The following CRISPLD1 variants were observed in gnomAD, a reference collection of about 807,000 sequenced individuals.
CRISPLD1 encodes cysteine-rich secretory protein LCCL domain-containing 1.
A neutral mutation model predicts 77.5 loss-of-function variants in CRISPLD1; 60 were observed. The ratio of observed to expected loss-of-function variants is 0.77; its 90% CI spans 0.63 to 0.96. The LOEUF is 0.96. Among genes scored for constraint, CRISPLD1 ranks in the 40% least tolerant of loss-of-function variants. The pLI, the probability that CRISPLD1 is intolerant of heterozygous loss-of-function variation, is 0.00. For synonymous variants in CRISPLD1, 195 were observed against 200.1 expected (o/e 0.97, Z 0.22); for missense variants, 623 against 615.8 (o/e 1.01, Z -0.12).
rs778651771 is a variant in CRISPLD1 at position 74,986,628 on chromosome 8, C to T, written c.258+383C>T. On this transcript the variant is annotated intron_variant, in intron 2 of 14. Coordinates refer to ENST00000262207, the MANE Select transcript of CRISPLD1 (RefSeq NM_031461.6). ...GATCTGAAAAATTCAGACTAATAAT[C>T]GGAAGAAACTTTCTGGATTGCTGAA... Among the ~76,000 whole-genome samples the T allele has an allele frequency of 6.6e-5, 10 of 152,160 alleles. No individual in the cohort carries two copies. The South Asian group carries it at 1.0e-3, about 16-fold the overall frequency.
chr8:75,028,991 C>T lies in CRISPLD1; in HGVS notation c.1321-396C>T, dbSNP rs185497225. Among the ~76,000 whole-genome samples the T allele has an allele frequency of 5.3e-5, 8 of 152,208 alleles. No individual in the cohort carries two copies. In the East Asian group the frequency reaches 5.8e-4, roughly 11 times the overall value. On this transcript the variant is annotated intron_variant, in intron 13 of 14. Coordinates refer to ENST00000262207, the MANE Select transcript of CRISPLD1 (RefSeq NM_031461.6). ...AGGGATGAATAATCTAACCTATGAA[C>T]ATTTGGTCAGAGTGAGCCCAGTATA...
intron 2 of CRISPLD1, among the ~76,000 whole-genome samples, chr8:75,001,472 G>A (rs1812740158): frequency 6.6e-6 from 1 of 152,190 alleles, no homozygotes; most frequent in African/African-American, 2.4e-5. Flanking sequence ...GTAAGTCACA[G>A]TATGGTAAGA....
chr8:75,022,545 G>A (rs903385445), intron 12 of CRISPLD1, among the ~76,000 whole-genome samples: 2 of 148,550 alleles, frequency 1.3e-5, no homozygotes, highest in African/African-American at 5.0e-5. Context: ...CTGAGATTGC[G>A]CCACTGCACT....
At chr8:75,011,588 C>T (rs1812931985) in intron 2 of CRISPLD1, among the ~76,000 whole-genome samples, 1 of 151,948 alleles carries the variant, frequency 6.6e-6, no homozygotes, top group Admixed American at 6.6e-5. Context: ...AAACCCAGGA[C>T]TTGGAAAATT....
At chr8:75,010,489 A>G (rs1812910277) in intron 2 of CRISPLD1, among the ~76,000 whole-genome samples, 1 of 152,124 alleles carries the variant, frequency 6.6e-6, no homozygotes, top group South Asian at 2.1e-4. Context: ...AGTAACTCAC[A>G]TTTGTTTTCT....
At chr8:74,995,004 T>C (rs1331899550) in intron 2 of CRISPLD1, among the ~76,000 whole-genome samples, 1 of 152,116 alleles carries the variant, frequency 6.6e-6, no homozygotes, top group Admixed American at 6.6e-5. Context: ...TGCCATTAGA[T>C]ACAAGGCAGT....
intron 2 of CRISPLD1, among the ~76,000 whole-genome samples, chr8:74,995,484 A>T (rs536027768): frequency 2.8e-4 from 42 of 152,268 alleles, no homozygotes; most frequent in African/African-American, 8.2e-4. Context: ...TAGTTCCCAC[A>T]GTCCTTTGTT....
At position 74,993,602 on chromosome 8, in the gene CRISPLD1, C is replaced by T. The variant is rs188010169; in HGVS notation, c.258+7357C>T. ...AATGTATTTTTCTTTTTGAAAATTG[C>T]ACCATAGATGACAATACCTATAGAA... On this transcript the variant is annotated intron_variant, in intron 2 of 14. Transcript: ENST00000262207. Among the ~76,000 whole-genome samples, 756 of 152,172 alleles carry T rather than the reference C, an allele frequency of 5.0e-3. 4 individuals carry two copies. The highest frequency in any genetic ancestry group is 8.5e-3 in the Non-Finnish European group (580 of 68,012).
chr8:75,016,567 G>T lies in CRISPLD1; in HGVS notation c.730G>T (p.Gly244Trp), dbSNP rs1813030930. 1.2e-6 allele frequency: 2 copies of T among 1,605,632 alleles called. No individual in the cohort carries two copies. The highest frequency in any genetic ancestry group is 1.7e-6 in the Non-Finnish European group (2 of 1,176,370). ...GCRENLCYKE[G>W]SDRYYPPREE... ...CCTAAATCTGCTTTCTCTAACAGAA[G>T]GGTCAGACAGGTATTATCCCCCTCG... The change falls in exon 7 of 15, where the codon GGG becomes TGG. Residue 244 changes from glycine to tryptophan, a missense_variant and splice_region_variant. Gly to Trp is a radical substitution (Grantham distance 184). Transcript: ENST00000262207.
intron 12 of CRISPLD1, among the ~76,000 whole-genome samples, chr8:75,020,483 A>G (rs963503983): frequency 6.6e-6 from 1 of 152,186 alleles, no homozygotes; most frequent in Non-Finnish European, 1.5e-5. Flanking sequence ...TTCCTGGTCT[A>G]CAGATGGCCA....
intron 2 of CRISPLD1, among the ~76,000 whole-genome samples, chr8:75,009,059 G>A (rs573234419): frequency 1.1e-4 from 16 of 152,156 alleles, no homozygotes; most frequent in African/African-American, 3.6e-4. Flanking sequence ...TTGTAGAATC[G>A]TGTGTGAAAC....
intron 2 of CRISPLD1, among the ~76,000 whole-genome samples, chr8:75,004,583 T>C (rs1411263779): frequency 6.6e-6 from 1 of 152,146 alleles, no homozygotes; most frequent in African/African-American, 2.4e-5. Context: ...ATTGCTGTAG[T>C]TAGGATCACG....
chr8:75,001,615 A>G (rs939164441), intron 2 of CRISPLD1, among the ~76,000 whole-genome samples: 1 of 152,226 alleles, frequency 6.6e-6, no homozygotes, highest in Non-Finnish European at 1.5e-5. Context: ...ATTGTGTGGA[A>G]GGGAATATGG....
rs563069373 is a variant in CRISPLD1 at position 75,018,227 on chromosome 8, C to T, written c.1127+777C>T. Among the ~76,000 whole-genome samples, 12 of 151,996 alleles carry T rather than the reference C, an allele frequency of 7.9e-5. 1 individual carries two copies. The East Asian group carries it at 9.7e-4, about 12-fold the overall frequency. ...TAATAACTATAAAAACTATTAGGAA[C>T]GCTCAAAAATTTGTGGAATGATCTC... is the stretch of plus-strand genomic sequence containing the variant. On this transcript the variant is annotated intron_variant, in intron 10 of 14. Coordinates refer to ENST00000262207, the MANE Select transcript of CRISPLD1 (RefSeq NM_031461.6).
intron 2 of CRISPLD1, among the ~76,000 whole-genome samples, chr8:75,007,494 A>G (rs76173881): frequency 0.074 from 11,307 of 151,974 alleles, 462 homozygotes; most frequent in South Asian, 0.091. Context: ...AGATAGCTGC[A>G]TAATTTCTCA....
chr8:74,999,770 CT>C (rs1274895097), intron 2 of CRISPLD1, among the ~76,000 whole-genome samples: 1 of 144,766 alleles, frequency 6.9e-6, no homozygotes, highest in African/African-American at 2.6e-5. Flanking sequence ...ATTTCTTTTT[CT>C]TTTCTTTTTT....
chr8:74,986,123 T>G lies in CRISPLD1; in HGVS notation c.136T>G (p.Trp46Gly). ...LEKYMDEDGE[W>G]WIAKQRGKRA... Reference sequence around the variant, plus strand: ...AAAATACATGGATGAGGATGGTGAGTGGTGGATAGCCAAACAACGAGGGAA... The same window carrying G: ...AAAATACATGGATGAGGATGGTGAGGGGTGGATAGCCAAACAACGAGGGAA... The change falls in exon 2 of 15, where the codon TGG (tryptophan) becomes GGG (glycine). Residue 46 changes from tryptophan (W) to glycine (G), a missense_variant. Coordinates refer to ENST00000262207, the MANE Select transcript of CRISPLD1 (RefSeq NM_031461.6). The G allele has an allele frequency of 1.2e-6, 2 of 1,613,930 alleles. No individual in the cohort carries two copies. The highest frequency in any genetic ancestry group is 1.7e-6 in the Non-Finnish European group (2 of 1,179,974).
chr8:75,012,580 GA>G (rs778970505), intron 3 of CRISPLD1, 29 bp downstream of exon 3: 2 of 1,404,262 alleles, frequency 1.4e-6, no homozygotes, highest in Admixed American at 1.7e-5. Flanking sequence ...TTTTCTTTAT[GA>G]AAAAATAAGT....
At position 74,985,916 on chromosome 8, in the gene CRISPLD1, G is replaced by C. The variant is rs1056010214; in HGVS notation, c.-62-10G>C. The C allele has an allele frequency of 1.1e-5, 17 of 1,491,992 alleles. No homozygotes were observed. Among genetic ancestry groups the C allele is most frequent in the Admixed American group, 4.2e-5 (2 of 47,102 alleles). 92.4% of individuals were successfully genotyped at this position (1,491,992 alleles called of 1,614,324 possible). On this transcript the variant is annotated splice_polypyrimidine_tract_variant and intron_variant, in intron 1 of 14. Coordinates refer to ENST00000262207, the MANE Select transcript of CRISPLD1 (RefSeq NM_031461.6). ...AATTTTCATCTTAATCACATGACATGTCGTTATAGCCAAAAGGAGTGGAAG... is the reference window on the plus strand; with the variant it reads ...AATTTTCATCTTAATCACATGACATCTCGTTATAGCCAAAAGGAGTGGAAG...
Sources: gnomAD v4.1 joint callset for allele counts (sites outside exome capture counted in the v4.1 genomes callset) on GRCh38, gnomAD v4.1.1 for gene constraint, MANE v1.5 for transcripts, NCBI Gene and HGNC (gene_info 2026-07-23, HGNC 2026-07-21) for gene names.